PC: variants seen among roughly 807,000 people sequenced by gnomAD.
The protein encoded by PC is pyruvate carboxylase, mitochondrial.
In PC, 46 loss-of-function variants were observed where a neutral mutation model predicts 107.8. That is an observed-to-expected ratio of 0.43 (90% CI 0.34 to 0.55). PC has a LOEUF of 0.55. PC is among the 20% of genes least tolerant of loss of function. The probability of loss-of-function intolerance (pLI) is 0.04; values close to 1 mark genes in which losing one functional copy is unlikely to be tolerated. For synonymous variants in PC, 662 were observed against 684.7 expected, an observed-to-expected ratio of 0.97 and a Z score of 0.52; for missense variants, 1,241 against 1,643.1, an observed-to-expected ratio of 0.76 and a Z score of 4.23.
Position 66,848,617 on chromosome 11 carries a change from C to T in PC, c.*282G>A. 4 of 603,034 alleles carry T rather than the reference C, an allele frequency of 6.6e-6. No individual in the cohort carries two copies. The highest frequency in any genetic ancestry group is 1.2e-5 in the Non-Finnish European group (4 of 338,010). The allele number at this position is 603,034 out of a possible 1,614,324, so 37.4% of individuals were successfully genotyped here. A position where few individuals can be genotyped will look rare whatever the true frequency, so the allele number is the denominator to read the frequency against. On this transcript the variant is annotated 3_prime_UTR_variant, in exon 23 of 23. Transcript: ENST00000393960. ...CCCAGGAGATAGGACCCCTAAACCT[C>T]CCCTGGGTCCTAGGACCACCTGACC... is the stretch of plus-strand genomic sequence containing the variant.
At chr11:66,932,418 T>C (rs748092191) in intron 3 of PC, among the ~76,000 whole-genome samples, 3 of 152,114 alleles carry the variant, frequency 2.0e-5, no homozygotes, top group South Asian at 2.1e-4. Flanking sequence ...ATGATTTCAA[T>C]GGGAGGGTAG....
intron 13 of PC, 58 bp downstream of exon 13, chr11:66,853,181 C>A: frequency 6.3e-7 from 1 of 1,580,658 alleles, no homozygotes; most frequent in South Asian, 1.1e-5. Context: ...GAGGTAGGAG[C>A]AAGAGATTGG....
chr11:66,853,198 G>A, intron 13 of PC, 41 bp downstream of exon 13: 1 of 1,603,256 alleles, frequency 6.2e-7, no homozygotes, highest in South Asian at 1.1e-5. Flanking sequence ...TTGGAGAGCG[G>A]AGGGGAGGGG....
intron 17 of PC, 33 bp from the exon 18 acceptor site, chr11:66,850,956 G>A (rs1353806518): frequency 1.2e-6 from 2 of 1,607,076 alleles, no homozygotes; most frequent in South Asian, 1.1e-5. Context: ...AGAGAGAGAT[G>A]GTAGAGAGGG....
In PC at chr11:66,852,310, C is replaced by A; in HGVS notation, c.1825+129G>T. ...CTGGCCGGAGAGGGCGCTGTGCCTT[C>A]TTCGGTCCTTCCTCTTTGGTGTTCT... On this transcript the variant is annotated intron_variant, in intron 15 of 22. Coordinates refer to ENST00000393960, the MANE Select transcript of PC (RefSeq NM_001040716.2). The surrounding 1 kb of genome is among the most constrained non-coding windows in gnomAD (Gnocchi z 4.7). 1.2e-6 allele frequency: 1 copy of A among 856,310 alleles called. No homozygotes were observed. 53.0% of individuals were successfully genotyped at this position (856,310 alleles called of 1,614,324 possible).
chr11:66,885,483 TGTCTA>T (rs1285636457), intron 3 of PC, among the ~76,000 whole-genome samples: 1 of 124,000 alleles, frequency 8.1e-6, no homozygotes, highest in African/African-American at 3.6e-5. Context: ...AGTGAGACTC[TGTCTA>T]AAAAAAAAAA....
At chr11:66,929,656 G>A (rs989538587) in intron 3 of PC, among the ~76,000 whole-genome samples, 5 of 151,752 alleles carry the variant, frequency 3.3e-5, no homozygotes, top group African/African-American at 1.2e-4. Flanking sequence ...TGTGAGCCAC[G>A]GTGCCTGGCC....
At chr11:66,950,013 A>G (rs1205081345) in intron 3 of PC, among the ~76,000 whole-genome samples, 1 of 152,154 alleles carries the variant, frequency 6.6e-6, no homozygotes, top group East Asian at 1.9e-4. Context: ...ATTGCAAGAG[A>G]CAAATATTTT....
At chr11:66,860,148 C>G (rs1052068092) in intron 12 of PC, 2 of 1,548,998 alleles carry the variant, frequency 1.3e-6, no homozygotes, top group African/African-American at 1.4e-5. Context: ...GGCAGGGTGC[C>G]GGGGGGTAGG....
intron 17 of PC, 30 bp from the exon 18 acceptor site, chr11:66,850,953 G>A (rs776704830): frequency 6.8e-6 from 11 of 1,606,486 alleles, no homozygotes; most frequent in Admixed American, 3.3e-5. Context: ...GAGAGAGAGA[G>A]ATGGTAGAGA....
chr11:66,851,728 A>G, intron 16 of PC, 62 bp downstream of exon 16: 2 of 1,562,670 alleles, frequency 1.3e-6, no homozygotes, highest in Non-Finnish European at 1.8e-6. Context: ...GGCCATCACG[A>G]CATGGCTCGG....
intron 3 of PC, among the ~76,000 whole-genome samples, chr11:66,893,791 T>G (rs923486164): frequency 2.9e-5 from 1 of 34,774 alleles, no homozygotes; most frequent in African/African-American, 1.1e-4. Flanking sequence ...CCCCGCCCCC[T>G]ACCCCCTCAC....
At chr11:66,948,054 GAT>G (rs1949346608) in intron 3 of PC, among the ~76,000 whole-genome samples, 1 of 147,972 alleles carries the variant, frequency 6.8e-6, no homozygotes, top group Admixed American at 6.7e-5. Context: ...TAGATAGATA[GAT>G]AGATAGATAT....
chr11:66,870,976 A>G lies in PC; in HGVS notation c.633+76T>C, dbSNP rs1851137669. ...GCCATGAACCCCACCCACTTTCCAG[A>G]TCCCTTGAGTGGTCCGCCCCTGCCC... is the stretch of plus-strand genomic sequence containing the variant. On this transcript the variant is annotated intron_variant, in intron 7 of 22. Transcript: ENST00000393960. The surrounding 1 kb of genome is among the most constrained non-coding windows in gnomAD (Gnocchi z 6.1). 2 of 1,608,832 alleles carry G rather than the reference A, an allele frequency of 1.2e-6. No homozygotes were observed. The highest frequency in any genetic ancestry group is 1.7e-5 in the Admixed American group (1 of 60,004).
At chr11:66,884,977 G>A (rs746984837) in intron 3 of PC, among the ~76,000 whole-genome samples, 4 of 152,172 alleles carry the variant, frequency 2.6e-5, no homozygotes, top group African/African-American at 4.8e-5. Flanking sequence ...CCCTGCTGGA[G>A]AGCTTCACAG....
rs148199209 is a variant in PC at position 66,955,930 on chromosome 11, G to A, written c.-227-1494C>T. Reference sequence around the variant, plus strand: ...TGGGATTACAGGTGCCCGCCACCAGGCCTGGCTAGTTTTTGTATTTTTAGC... The same window carrying A: ...TGGGATTACAGGTGCCCGCCACCAGACCTGGCTAGTTTTTGTATTTTTAGC... On this transcript the variant is annotated intron_variant, in intron 1 of 22. Coordinates refer to ENST00000393960, the MANE Select transcript of PC (RefSeq NM_001040716.2). Among the ~76,000 whole-genome samples the A allele has an allele frequency of 7.0e-3, 1,067 of 152,172 alleles. 19 individuals carry two copies. Among genetic ancestry groups the A allele is most frequent in the African/African-American group, 0.025 (1,031 of 41,520 alleles).
chr11:66,863,781 C>A lies in PC; in HGVS notation c.1361G>T (p.Gly454Val). Residue 454 changes from glycine to valine, a missense_variant, in exon 12 of 23, where the codon GGT becomes GTT. By Grantham distance (109) the Gly-to-Val change is moderately radical (BLOSUM62 -3). Transcript: ENST00000393960. ...SRALAEFRVR[G>V]VKTNIAFLQN... ...GGGGCTGCAGCCTCTCACCTTCACA[C>A]CTCGGACGCGGAACTCCGCAAGGGC... The A allele has an allele frequency of 6.2e-7, 1 of 1,610,478 alleles. No homozygotes were observed. The highest frequency in any genetic ancestry group is 8.5e-7 in the Non-Finnish European group (1 of 1,178,792).
intron 3 of PC, among the ~76,000 whole-genome samples, chr11:66,927,068 G>A (rs1591292280): frequency 6.7e-6 from 1 of 148,220 alleles, no homozygotes; most frequent in East Asian, 2.0e-4. Flanking sequence ...TCGGCTCACT[G>A]CAACCTCTGC....
At chr11:66,862,525 G>A (rs547809731) in intron 12 of PC, among the ~76,000 whole-genome samples, 1 of 152,170 alleles carries the variant, frequency 6.6e-6, no homozygotes, top group Non-Finnish European at 1.5e-5. Flanking sequence ...CAGAGGGGCC[G>A]GTGCCAGTGC....
Sources: gnomAD v4.1 joint callset for allele counts (sites outside exome capture counted in the v4.1 genomes callset) on GRCh38, gnomAD v4.1.1 for gene constraint, Gnocchi (gnomAD v3.1) non-coding constraint, MANE v1.5 for transcripts, NCBI Gene and HGNC (gene_info 2026-07-23, HGNC 2026-07-21) for gene names.